Variants in CCSER2 observed in about 807,000 individuals in gnomAD.
The protein encoded by CCSER2 is serine-rich coiled-coil domain-containing protein 2.
A neutral mutation model predicts 92.3 loss-of-function variants in CCSER2; 46 were observed. The ratio of observed to expected loss-of-function variants is 0.50; its 90% CI spans 0.39 to 0.64. The LOEUF (loss-of-function observed/expected upper bound fraction) is 0.64, where lower values mean the gene tolerates loss of function less well. Ranked by LOEUF, CCSER2 falls within the 30% of genes least tolerant of loss-of-function variation. The pLI, the probability that CCSER2 is intolerant of heterozygous loss-of-function variation, is 0.00. For missense variants in CCSER2, 1,244 were observed against 1,238.9 expected (o/e 1.00, Z -0.06); for synonymous variants, 433 against 431.4 (o/e 1.00, Z -0.04).
At chr10:84,392,165 A>T (rs1841557562) in intron 3 of CCSER2, 1 of 550,244 alleles carries the variant, frequency 1.8e-6, no homozygotes, top group East Asian at 3.3e-5. Context: ...ACCGGTAGGG[A>T]ATACACTACA....
chr10:84,460,102 T>TG (rs1202885382), intron 6 of CCSER2, among the ~76,000 whole-genome samples: 1 of 147,278 alleles, frequency 6.8e-6, no homozygotes, highest in Non-Finnish European at 1.5e-5. Context: ...TTTTTTTTTT[T>TG]TTTTTGAGAC....
intron 1 of CCSER2, among the ~76,000 whole-genome samples, chr10:84,334,961 C>A (rs772871135): frequency 1.3e-5 from 2 of 152,168 alleles, no homozygotes; most frequent in East Asian, 3.8e-4. Context: ...TCCTTCCTTC[C>A]CTTTGTTATG....
intron 7 of CCSER2, among the ~76,000 whole-genome samples, chr10:84,466,818 C>T (rs2133690289): frequency 6.6e-6 from 1 of 152,138 alleles, no homozygotes; most frequent in South Asian, 2.1e-4. Context: ...CGGCCTCCTT[C>T]TTGCCTTCTA....
At chr10:84,443,906 A>G (rs1410407687) in intron 6 of CCSER2, among the ~76,000 whole-genome samples, 1 of 151,678 alleles carries the variant, frequency 6.6e-6, no homozygotes, top group African/African-American at 2.4e-5. Context: ...AAAACCAAAC[A>G]CTGCATGTTC....
At position 84,328,823 on chromosome 10, in the gene CCSER2, C is replaced by A; in HGVS notation, c.-40+15C>A. On this transcript the variant is annotated intron_variant, in intron 1 of 9. Coordinates refer to ENST00000372088, the MANE Select transcript of CCSER2 (RefSeq NM_001284240.2). ...ACCTCCGCACGGTGAGATCCGGGCT[C>A]AGGGCCAGAGCCGGGGCCGGGGTCG... 1 of 151,452 alleles carries A rather than the reference C, an allele frequency of 6.6e-6. No individual in the cohort carries two copies. Among genetic ancestry groups the A allele is most frequent in the South Asian group, 1.9e-4 (1 of 5,136 alleles). The allele number at this position is 151,452 out of a possible 1,614,324, so 9.4% of individuals were successfully genotyped here.
At chr10:84,507,416 T>C (rs1426139120) in intron 9 of CCSER2, 1 of 401,928 alleles carries the variant, frequency 2.5e-6, no homozygotes, top group Non-Finnish European at 3.4e-6. Flanking sequence ...GCATGATGCA[T>C]GTCAGAGCCT....
intron 9 of CCSER2, among the ~76,000 whole-genome samples, chr10:84,492,236 C>T (rs543645127): frequency 4.0e-5 from 6 of 150,904 alleles, no homozygotes; most frequent in African/African-American, 1.2e-4. Context: ...GCAGAGATAG[C>T]GCCACTGCAC....
rs1032989319 is a variant in CCSER2 at position 84,371,087 on chromosome 10, G to A, written c.35G>A (p.Gly12Asp). The change falls in exon 2 of 10, where the codon GGT (glycine) becomes GAT (aspartate). Residue 12 changes from glycine (G) to aspartate (D), a missense_variant. Coordinates refer to ENST00000372088, the MANE Select transcript of CCSER2 (RefSeq NM_001284240.2). ...EEKTQIKTFLGSKLPKYGTKS... is the reference protein window; with the variant it reads ...EEKTQIKTFLDSKLPKYGTKS... The stretch of plus-strand genomic sequence containing the variant: ...AAAACACAAATCAAGACATTTTTGG[G>A]TTCCAAGTTGCCAAAGTATGGAACA... The A allele has an allele frequency of 1.3e-6, 2 of 1,598,742 alleles. No individual in the cohort carries two copies. Among genetic ancestry groups the A allele is most frequent in the African/African-American group, 2.7e-5 (2 of 74,120 alleles).
At chr10:84,425,947 A>G in intron 5 of CCSER2, 54 bp downstream of exon 5, 1 of 1,290,312 alleles carries the variant, frequency 7.8e-7, no homozygotes, top group Non-Finnish European at 1.0e-6. Context: ...TTTGAATTAT[A>G]ATTCTCCCTT....
At chr10:84,462,476 C>T (rs1846156921) in intron 6 of CCSER2, among the ~76,000 whole-genome samples, 1 of 152,100 alleles carries the variant, frequency 6.6e-6, no homozygotes, top group Non-Finnish European at 1.5e-5. Context: ...GTAGGACTGG[C>T]GATGCTTTTA....
rs140085468 is a variant in CCSER2, at chr10:84,400,583, C to G, written c.1615-17188C>G. The stretch of plus-strand genomic sequence containing the variant: ...GTAATGATCTGACTTCATTCTTTTG[C>G]CATTGGTTGACAGTTTTTTTCTTTC... On this transcript the variant is annotated intron_variant, in intron 3 of 9. Transcript: ENST00000372088. 5.9e-5 allele frequency among the ~76,000 whole-genome samples: 9 copies of G among 152,160 alleles called. No individual in the cohort carries two copies. In the East Asian group the frequency reaches 1.7e-3, roughly 29 times the overall value.
intron 1 of CCSER2, among the ~76,000 whole-genome samples, chr10:84,332,742 A>G (rs1344102257): frequency 1.3e-5 from 2 of 151,998 alleles, no homozygotes; most frequent in South Asian, 2.1e-4. Flanking sequence ...GCTTGAGCCT[A>G]GGAGTTCAAG....
At chr10:84,476,991 A>C (rs1312493841) in intron 8 of CCSER2, among the ~76,000 whole-genome samples, 1 of 152,188 alleles carries the variant, frequency 6.6e-6, no homozygotes, top group African/African-American at 2.4e-5. Context: ...CATCCTGACA[A>C]GTGGACTGGT....
At position 84,432,523 on chromosome 10, in the gene CCSER2, G is replaced by A. The variant is rs117326055; in HGVS notation, c.1869-5989G>A. 3.9e-3 allele frequency among the ~76,000 whole-genome samples: 589 copies of A among 152,278 alleles called. 1 individual carries two copies. The highest frequency in any genetic ancestry group is 6.5e-3 in the Non-Finnish European group (441 of 68,032). On this transcript the variant is annotated intron_variant, in intron 5 of 9. Transcript: ENST00000372088. ...GTGGTATTTGGTTTTCTCTTCCAGC[G>A]TTAATTCGCTTAGAATAATGGCCTC...
At chr10:84,376,890 G>A (rs1018250754) in intron 3 of CCSER2, among the ~76,000 whole-genome samples, 3 of 152,006 alleles carry the variant, frequency 2.0e-5, no homozygotes, top group African/African-American at 4.8e-5. Flanking sequence ...TGTGGGTATA[G>A]TAGTATTGCA....
At chr10:84,338,404 T>G (rs993181565) in intron 1 of CCSER2, among the ~76,000 whole-genome samples, 1 of 152,180 alleles carries the variant, frequency 6.6e-6, no homozygotes, top group African/African-American at 2.4e-5. Context: ...TTACTTTTTT[T>G]TCTTTTGGCA....
chr10:84,333,913 C>G (rs1036383441), intron 1 of CCSER2, among the ~76,000 whole-genome samples: 1 of 152,178 alleles, frequency 6.6e-6, no homozygotes, highest in Non-Finnish European at 1.5e-5. Flanking sequence ...TCTGTCTCCC[C>G]CACTGGATTG....
Position 84,391,392 on chromosome 10 carries a change from A to C in CCSER2, c.1614+17577A>C, listed in dbSNP as rs181368970. ...CAAAGTAACATCCTAACACTAATGC[A>C]TCAGTGGATGCAGGATAAAATGCTA... On this transcript the variant is annotated intron_variant, in intron 3 of 9. Coordinates refer to ENST00000372088, the MANE Select transcript of CCSER2 (RefSeq NM_001284240.2). 4.1e-6 allele frequency: 6 copies of C among 1,476,536 alleles called. No individual in the cohort carries two copies. The East Asian group carries it at 1.4e-4, about 33-fold the overall frequency. The allele number at this position is 1,476,536 out of a possible 1,614,324, so 91.5% of individuals were successfully genotyped here.
intron 3 of CCSER2, among the ~76,000 whole-genome samples, chr10:84,405,239 A>G (rs1564633196): frequency 6.6e-6 from 1 of 152,038 alleles, no homozygotes; most frequent in African/African-American, 2.4e-5. Flanking sequence ...CTTTCAACAA[A>G]TGTTGTTGGA....
Sources: gnomAD v4.1 joint callset for allele counts (sites outside exome capture counted in the v4.1 genomes callset) on GRCh38, gnomAD v4.1.1 for gene constraint, MANE v1.5 for transcripts, NCBI Gene and HGNC (gene_info 2026-07-23, HGNC 2026-07-21) for gene names.